The following UNC13C variants were observed in gnomAD, a reference collection of about 807,000 sequenced individuals.
The protein encoded by UNC13C is protein unc-13 homolog C.
UNC13C carries 174 observed loss-of-function variants against 245.4 expected under a neutral mutation model. That is an observed-to-expected ratio of 0.71 (90% CI 0.63 to 0.80). UNC13C has a LOEUF of 0.80. Among genes scored for constraint, UNC13C ranks in the 30% least tolerant of loss-of-function variants. The probability of loss-of-function intolerance (pLI) is 0.00; values close to 1 mark genes in which losing one functional copy is unlikely to be tolerated. For missense variants in UNC13C, 2,829 were observed against 2,602.9 expected, an observed-to-expected ratio of 1.09 and a Z score of -1.89; for synonymous variants, 992 against 895.1, an observed-to-expected ratio of 1.11 and a Z score of -1.93.
At chr15:53,918,796 C>G in the UNC13C span, among the ~76,000 whole-genome samples, 2 of 152,164 alleles carry the variant, frequency 1.3e-5, no homozygotes, top group Non-Finnish European at 2.9e-5. Flanking sequence ...GCCTCTCTCC[C>G]CCACACCATG....
chr15:54,598,509 G>T (rs1899224678), intron 30 of UNC13C, among the ~76,000 whole-genome samples: 1 of 152,166 alleles, frequency 6.6e-6, no homozygotes, highest in Non-Finnish European at 1.5e-5. Flanking sequence ...GGCACATCCA[G>T]GCACAGCACA....
intron 4 of UNC13C, among the ~76,000 whole-genome samples, chr15:54,228,801 G>A (rs562792660): frequency 1.3e-5 from 2 of 152,272 alleles, no homozygotes; most frequent in South Asian, 4.1e-4. Context: ...TCCCAGACCT[G>A]TGAGCTGTGC....
At chr15:53,993,460 G>A (rs931397064) in intron 1 of UNC13C, among the ~76,000 whole-genome samples, 22 of 152,224 alleles carry the variant, frequency 1.4e-4, no homozygotes, top group African/African-American at 5.3e-4. Context: ...GAAGGGATGA[G>A]TGACTTAGTC....
chr15:54,540,428 A>G (rs946033385), intron 26 of UNC13C, among the ~76,000 whole-genome samples: 1 of 152,116 alleles, frequency 6.6e-6, no homozygotes, highest in African/African-American at 2.4e-5. Context: ...TTTTGTATTC[A>G]GCCAATCTAG....
intron 19 of UNC13C, among the ~76,000 whole-genome samples, chr15:54,444,729 T>C (rs1890712927): frequency 6.6e-6 from 1 of 151,954 alleles, no homozygotes; most frequent in Non-Finnish European, 1.5e-5. Flanking sequence ...CTTTTGTGCA[T>C]TTTTATGATG....
At chr15:54,276,392 C>T (rs1020306837) in intron 10 of UNC13C, among the ~76,000 whole-genome samples, 2 of 152,010 alleles carry the variant, frequency 1.3e-5, no homozygotes, top group Admixed American at 1.3e-4. Flanking sequence ...TAATTACACC[C>T]CACAAATTCA....
chr15:54,235,130 C>A (rs1567122492), intron 5 of UNC13C, 22 bp downstream of exon 5: 1 of 1,605,350 alleles, frequency 6.2e-7, no homozygotes, highest in African/African-American at 1.3e-5. Context: ...CTGTTTAATT[C>A]TCTTCGATTG....
At chr15:53,959,059 G>T in the UNC13C span, among the ~76,000 whole-genome samples, 1 of 152,090 alleles carries the variant, frequency 6.6e-6, no homozygotes, top group Non-Finnish European at 1.5e-5. Context: ...TTGTCTTTCT[G>T]TGTCTCACTT....
chr15:54,527,922 A>G (rs1025918921), intron 25 of UNC13C, among the ~76,000 whole-genome samples: 1 of 152,178 alleles, frequency 6.6e-6, no homozygotes, highest in Non-Finnish European at 1.5e-5. Flanking sequence ...CTGTCAGGGT[A>G]GAAAAGTCTA....
chr15:54,409,247 A>G (rs888439111), intron 18 of UNC13C, among the ~76,000 whole-genome samples: 2 of 144,356 alleles, frequency 1.4e-5, no homozygotes, highest in African/African-American at 2.6e-5. Context: ...CATTTCTTCT[A>G]TAGATTTTTA....
the UNC13C span, among the ~76,000 whole-genome samples, chr15:53,879,018 C>T: frequency 2.6e-5 from 4 of 152,110 alleles, no homozygotes; most frequent in Admixed American, 6.6e-5. Flanking sequence ...AAAAGAGTCA[C>T]CTGCAAATTC....
intron 1 of UNC13C, among the ~76,000 whole-genome samples, 56 bp from the exon 2 acceptor site, chr15:54,012,592 T>C (rs1385025615): frequency 6.6e-6 from 1 of 152,246 alleles, no homozygotes; most frequent in African/African-American, 2.4e-5. Flanking sequence ...GTGTTGGAAA[T>C]GGAAGAAATC....
At chr15:54,539,364 G>A (rs75234929) in intron 26 of UNC13C, among the ~76,000 whole-genome samples, 2,754 of 151,950 alleles carry the variant, frequency 0.018, 91 homozygotes, top group African/African-American at 0.063. Flanking sequence ...AAGAAAAGCA[G>A]AAGAAAGGAG....
At chr15:53,892,511 C>G in the UNC13C span, among the ~76,000 whole-genome samples, 2 of 152,174 alleles carry the variant, frequency 1.3e-5, no homozygotes, top group Non-Finnish European at 2.9e-5. Context: ...TTCAGGTACA[C>G]CAATCAAATG....
intron 17 of UNC13C, among the ~76,000 whole-genome samples, chr15:54,341,448 C>T (rs2038727201): frequency 6.6e-6 from 1 of 152,070 alleles, no homozygotes; most frequent in African/African-American, 2.4e-5. Context: ...TGGGAGAGGG[C>T]TTAAAAACTC....
At chr15:53,859,991 G>A in the UNC13C span, among the ~76,000 whole-genome samples, 2 of 152,232 alleles carry the variant, frequency 1.3e-5, no homozygotes, top group South Asian at 4.1e-4. Context: ...GATTCCCCCA[G>A]TTTTGATAAG....
chr15:54,338,001 T>A (rs2038633970), intron 16 of UNC13C, among the ~76,000 whole-genome samples: 1 of 152,184 alleles, frequency 6.6e-6, no homozygotes, highest in Non-Finnish European at 1.5e-5. Flanking sequence ...CTACTTGAAC[T>A]TAAGCCCATG....
the UNC13C span, among the ~76,000 whole-genome samples, chr15:53,848,828 A>G: frequency 4.6e-5 from 7 of 152,060 alleles, no homozygotes; most frequent in African/African-American, 1.7e-4. Flanking sequence ...TTACTAGATC[A>G]TGCTTTTTTA....
At chr15:54,283,498 A>G (rs1174448410) in intron 10 of UNC13C, among the ~76,000 whole-genome samples, 1 of 152,160 alleles carries the variant, frequency 6.6e-6, no homozygotes, top group Non-Finnish European at 1.5e-5. Context: ...TTGTATCAGT[A>G]TATATACATT....
Sources: gnomAD v4.1 joint callset for allele counts (sites outside exome capture counted in the v4.1 genomes callset) on GRCh38, gnomAD v4.1.1 for gene constraint, MANE v1.5 for transcripts, NCBI Gene and HGNC (gene_info 2026-07-23, HGNC 2026-07-21) for gene names.